Variants in SBF2 observed in about 807,000 individuals in gnomAD.
SBF2 encodes the protein myotubularin-related protein 13.
A neutral mutation model predicts 225.2 loss-of-function variants in SBF2; 112 were observed. The ratio of observed to expected loss-of-function variants is 0.50; its 90% CI spans 0.43 to 0.58. The LOEUF (loss-of-function observed/expected upper bound fraction) is 0.58, where lower values mean the gene tolerates loss of function less well. Ranked by LOEUF, SBF2 falls within the 20% of genes least tolerant of loss-of-function variation. SBF2 has a pLI of 0.00. For missense variants in SBF2, 1,996 were observed against 2,206.2 expected (o/e 0.90, Z 1.91); for synonymous variants, 763 against 773.3 (o/e 0.99, Z 0.22).
At chr11:10,121,402 C>T (rs549848066) in intron 2 of SBF2, among the ~76,000 whole-genome samples, 13 of 152,248 alleles carry the variant, frequency 8.5e-5, no homozygotes, top group African/African-American at 3.1e-4. Context: ...TTTAATATGA[C>T]TTGAGGAACA....
At chr11:10,219,658 G>A (rs948167281) in intron 1 of SBF2, among the ~76,000 whole-genome samples, 5 of 152,032 alleles carry the variant, frequency 3.3e-5, no homozygotes, top group East Asian at 1.9e-4. Flanking sequence ...ATGCTCTGCC[G>A]CTTAGAAATG....
chr11:10,187,818 G>A (rs1258494979), intron 2 of SBF2, among the ~76,000 whole-genome samples: 2 of 152,128 alleles, frequency 1.3e-5, no homozygotes, highest in African/African-American at 4.8e-5. Flanking sequence ...ACAAAAGCTA[G>A]CATTACCTTA....
At chr11:9,900,612 C>A (rs1861646409) in intron 16 of SBF2, among the ~76,000 whole-genome samples, 1 of 152,150 alleles carries the variant, frequency 6.6e-6, no homozygotes, top group Admixed American at 6.5e-5. Context: ...CACCATTGCT[C>A]CATCTGTAAG....
At chr11:10,044,244 T>G (rs1403320988) in intron 2 of SBF2, among the ~76,000 whole-genome samples, 1 of 139,594 alleles carries the variant, frequency 7.2e-6, no homozygotes, top group African/African-American at 2.7e-5. Flanking sequence ...CCAGGCTAAT[T>G]AAGAAAAAAA....
chr11:10,025,609 G>A (rs997081965), intron 6 of SBF2, among the ~76,000 whole-genome samples: 6 of 151,982 alleles, frequency 3.9e-5, no homozygotes, highest in Non-Finnish European at 7.4e-5. Flanking sequence ...TATTTTATTT[G>A]TTTATTTTGG....
chr11:10,141,496 A>C (rs1287245307), intron 2 of SBF2, among the ~76,000 whole-genome samples: 1 of 152,148 alleles, frequency 6.6e-6, no homozygotes, highest in Non-Finnish European at 1.5e-5. Context: ...CCCTTAGCTA[A>C]TGTAATATGC....
At position 9,881,969 on chromosome 11, in the gene SBF2, T is replaced by C. The variant is rs79025499; in HGVS notation, c.1929+13974A>G. On this transcript the variant is annotated intron_variant, in intron 17 of 39. Coordinates refer to ENST00000256190, the MANE Select transcript of SBF2 (RefSeq NM_030962.4). ...TGCCACTGCACTTCAGCCTAGGTGA[T>C]AGAGTGAGACCTTGTGTTTAAAAAA... is the stretch of plus-strand genomic sequence containing the variant. 4.8e-4 allele frequency among the ~76,000 whole-genome samples: 73 copies of C among 152,248 alleles called. 1 individual carries two copies. In the East Asian group the frequency reaches 0.013, roughly 28 times the overall value.
chr11:10,094,408 T>C (rs1032211290), intron 2 of SBF2, among the ~76,000 whole-genome samples: 7 of 152,116 alleles, frequency 4.6e-5, no homozygotes, highest in African/African-American at 1.7e-4. Context: ...ATTTTCAACA[T>C]ATAGACATTT....
intron 12 of SBF2, among the ~76,000 whole-genome samples, chr11:9,991,188 A>G (rs887092120): frequency 6.6e-6 from 1 of 152,230 alleles, no homozygotes; most frequent in African/African-American, 2.4e-5. Flanking sequence ...AACCAATCAT[A>G]TTAGATGGTA....
chr11:10,076,827 ATCC>A (rs1951137309), intron 2 of SBF2, among the ~76,000 whole-genome samples: 1 of 152,056 alleles, frequency 6.6e-6, no homozygotes, highest in African/African-American at 2.4e-5. Context: ...CTGCTTTCTG[ATCC>A]TCCTTGGGGA....
At chr11:9,999,214 T>A (rs976398441) in intron 8 of SBF2, among the ~76,000 whole-genome samples, 1 of 152,184 alleles carries the variant, frequency 6.6e-6, no homozygotes, top group Non-Finnish European at 1.5e-5. Context: ...AACACTTGGT[T>A]TGTCCTACCT....
chr11:10,251,162 G>A (rs1336682869), intron 1 of SBF2, among the ~76,000 whole-genome samples: 1 of 152,168 alleles, frequency 6.6e-6, no homozygotes, highest in Admixed American at 6.5e-5. Context: ...ATGAAGGCCC[G>A]ATGTAGATGC....
chr11:9,942,984 AAAG>A (rs1169298857), intron 16 of SBF2, among the ~76,000 whole-genome samples: 1 of 33,584 alleles, frequency 3.0e-5, no homozygotes, highest in African/African-American at 7.5e-5. Context: ...AAAGAGGAAG[AAAG>A]AAAGAAAGAA....
chr11:9,926,722 T>C (rs1294083952), intron 16 of SBF2, among the ~76,000 whole-genome samples: 3 of 152,134 alleles, frequency 2.0e-5, no homozygotes, highest in Non-Finnish European at 4.4e-5. Flanking sequence ...ACATATTATA[T>C]AAAAATTTGT....
chr11:10,175,711 T>A (rs1956434060), intron 2 of SBF2, among the ~76,000 whole-genome samples: 1 of 151,470 alleles, frequency 6.6e-6, no homozygotes, highest in African/African-American at 2.4e-5. Flanking sequence ...GAATAGACAT[T>A]TTTTTCAGCA....
chr11:10,102,831 TA>T (rs1422807193), intron 2 of SBF2, among the ~76,000 whole-genome samples: 1 of 152,194 alleles, frequency 6.6e-6, no homozygotes, highest in Non-Finnish European at 1.5e-5. Context: ...TAAAGAGATC[TA>T]AAAAGTTTAT....
chr11:10,161,131 G>A (rs1955709675), intron 2 of SBF2, among the ~76,000 whole-genome samples: 1 of 139,648 alleles, frequency 7.2e-6, no homozygotes, highest in African/African-American at 2.7e-5. Context: ...TTTGCAGTGA[G>A]CCTAAATTGC....
At chr11:10,097,326 T>C (rs1952065268) in intron 2 of SBF2, among the ~76,000 whole-genome samples, 1 of 152,142 alleles carries the variant, frequency 6.6e-6, no homozygotes, top group Non-Finnish European at 1.5e-5. Flanking sequence ...GAAATAAATA[T>C]CTATTCTTTA....
intron 2 of SBF2, among the ~76,000 whole-genome samples, chr11:10,146,332 C>G (rs1335085855): frequency 6.6e-6 from 1 of 152,084 alleles, no homozygotes; most frequent in Non-Finnish European, 1.5e-5. Context: ...TACTACAGGG[C>G]TACAGTAACC....
Sources: gnomAD v4.1 joint callset for allele counts (sites outside exome capture counted in the v4.1 genomes callset) on GRCh38, gnomAD v4.1.1 for gene constraint, MANE v1.5 for transcripts, NCBI Gene and HGNC (gene_info 2026-07-23, HGNC 2026-07-21) for gene names.